JAKMIP1: variants seen among roughly 807,000 people sequenced by gnomAD.
JAKMIP1 encodes the protein janus kinase and microtubule interacting protein 1, also known as janus kinase and microtubule-interacting protein 1.
A neutral mutation model predicts 113.0 loss-of-function variants in JAKMIP1; 33 were observed. The ratio of observed to expected loss-of-function variants is 0.29; its 90% CI spans 0.22 to 0.39. The LOEUF (loss-of-function observed/expected upper bound fraction) is 0.39. Among genes scored for constraint, JAKMIP1 ranks in the 10% least tolerant of loss-of-function variants. The probability of loss-of-function intolerance (pLI) is 1.00; values close to 1 mark genes in which losing one functional copy is unlikely to be tolerated. For synonymous variants in JAKMIP1, 480 were observed against 459.9 expected (o/e 1.04, Z -0.56); for missense variants, 813 against 1,080.5 (o/e 0.75, Z 3.47).
rs567321994 is a variant in JAKMIP1, at chr4:6,056,581, G to C, written c.1707+116C>G. The stretch of plus-strand genomic sequence containing the variant: ...CTCATGGGAGGTGTGCAGGACCCGA[G>C]GCCCTGGTCACTGGAGTGCCCAAAT... On this transcript the variant is annotated intron_variant, in intron 12 of 20. Transcript: ENST00000409021. 4.0e-6 allele frequency: 3 copies of C among 755,210 alleles called. 1 individual carries two copies. The South Asian group carries it at 4.3e-5, about 11-fold the overall frequency. 46.8% of individuals were successfully genotyped at this position (755,210 alleles called of 1,614,324 possible).
intron 1 of JAKMIP1, among the ~76,000 whole-genome samples, chr4:6,119,741 C>T (rs1420942823): frequency 6.6e-6 from 1 of 152,202 alleles, no homozygotes; most frequent in Non-Finnish European, 1.5e-5. Flanking sequence ...TCACATCCCT[C>T]TACAGTCACA....
At chr4:6,130,920 C>T (rs557085723) in intron 1 of JAKMIP1, among the ~76,000 whole-genome samples, 4 of 151,882 alleles carry the variant, frequency 2.6e-5, no homozygotes, top group African/African-American at 9.7e-5. Context: ...AAACCTATAA[C>T]CCCAGCACTT....
At chr4:6,170,280 C>T (rs1724293999) in intron 1 of JAKMIP1, among the ~76,000 whole-genome samples, 3 of 147,858 alleles carry the variant, frequency 2.0e-5, no homozygotes, top group Admixed American at 6.7e-5. Flanking sequence ...ACCACCATCA[C>T]CACCACCATC....
chr4:6,101,005 C>T (rs1293436777), intron 3 of JAKMIP1, among the ~76,000 whole-genome samples: 1 of 152,074 alleles, frequency 6.6e-6, no homozygotes, highest in Admixed American at 6.5e-5. Context: ...TTTGCCTTGT[C>T]TCTCTTTTAT....
chr4:6,125,370 C>T (rs1390621724), intron 1 of JAKMIP1, among the ~76,000 whole-genome samples: 29 of 152,146 alleles, frequency 1.9e-4, no homozygotes, highest in Non-Finnish European at 8.8e-5. Flanking sequence ...CACAGTCCCA[C>T]CAAGCTGGGA....
intron 20 of JAKMIP1, among the ~76,000 whole-genome samples, chr4:6,026,626 G>A (rs1578017484): frequency 6.6e-6 from 1 of 151,894 alleles, no homozygotes; most frequent in Non-Finnish European, 1.5e-5. Flanking sequence ...ATAGAGGAAG[G>A]CCCAGCCGAT....
rs1717796722 is a variant in JAKMIP1 at position 6,064,676 on chromosome 4, C to T, written c.1431+204G>A. On this transcript the variant is annotated intron_variant, in intron 9 of 20. Coordinates refer to ENST00000409021, the MANE Select transcript of JAKMIP1 (RefSeq NM_001099433.2). The surrounding 1 kb of genome is among the most constrained non-coding windows in gnomAD (Gnocchi z 4.3). ...GAAAGAAAGGGTCCCCACGTGCTGC[C>T]CTCCCATCGCCATTCATGGAGCCCA... is the stretch of plus-strand genomic sequence containing the variant. Among the ~76,000 whole-genome samples, 1 of 152,068 alleles carries T rather than the reference C, an allele frequency of 6.6e-6. No homozygotes were observed. Among genetic ancestry groups the T allele is most frequent in the Non-Finnish European group, 1.5e-5 (1 of 68,018 alleles).
At chr4:6,112,674 A>T (rs768955525) in intron 2 of JAKMIP1, 48 bp downstream of exon 2, 2 of 1,598,586 alleles carry the variant, frequency 1.3e-6, no homozygotes, top group South Asian at 2.2e-5. Flanking sequence ...ACACTGCCCA[A>T]AGGGACATTT....
In JAKMIP1 at chr4:6,094,483, C is replaced by A. The variant is rs1211091665; in HGVS notation, c.625-8854G>T. Among the ~76,000 whole-genome samples the A allele has an allele frequency of 6.6e-6, 1 of 152,120 alleles. No homozygotes were observed. The highest frequency in any genetic ancestry group is 1.5e-5 in the Non-Finnish European group (1 of 68,022). On this transcript the variant is annotated intron_variant, in intron 3 of 20. Coordinates refer to ENST00000409021, the MANE Select transcript of JAKMIP1 (RefSeq NM_001099433.2). This position sits in a 1 kb window ranked among gnomAD's most constrained non-coding sequence, Gnocchi z 4.2. ...CAGACAGGCATGGGAGTAAACAAAC[C>A]TACCAACCTCCGGGGCCCCTGGGGT...
At chr4:6,063,278 C>A (rs1717574628) in intron 9 of JAKMIP1, among the ~76,000 whole-genome samples, 1 of 152,248 alleles carries the variant, frequency 6.6e-6, no homozygotes, top group Non-Finnish European at 1.5e-5. Flanking sequence ...GAAAGCCCCA[C>A]ATGGCCATGA....
chr4:6,059,504 T>C lies in JAKMIP1; in HGVS notation c.1644+920A>G, dbSNP rs1181275751. Among the ~76,000 whole-genome samples, 1 of 152,108 alleles carries C rather than the reference T, an allele frequency of 6.6e-6. No individual in the cohort carries two copies. Among genetic ancestry groups the C allele is most frequent in the African/African-American group, 2.4e-5 (1 of 41,450 alleles). On this transcript the variant is annotated intron_variant, in intron 11 of 20. Coordinates refer to ENST00000409021, the MANE Select transcript of JAKMIP1 (RefSeq NM_001099433.2). This position sits in a 1 kb window ranked among gnomAD's most constrained non-coding sequence, Gnocchi z 4.8. The stretch of plus-strand genomic sequence containing the variant: ...CCTGGCCTCCTCAGCCCCCCATAGA[T>C]GCCTCTCTGCAGGCAGGGGTGGGGG...
chr4:6,115,633 TC>T (rs1225615229), intron 1 of JAKMIP1, among the ~76,000 whole-genome samples: 4 of 152,212 alleles, frequency 2.6e-5, no homozygotes, highest in African/African-American at 7.2e-5. Flanking sequence ...TCTATTCTCT[TC>T]TTTAGACTCT....
chr4:6,059,555 C>T lies in JAKMIP1; in HGVS notation c.1644+869G>A, dbSNP rs1716972778. 6.6e-6 allele frequency among the ~76,000 whole-genome samples: 1 copy of T among 152,078 alleles called. No homozygotes were observed. On this transcript the variant is annotated intron_variant, in intron 11 of 20. Transcript: ENST00000409021. This position sits in a 1 kb window ranked among gnomAD's most constrained non-coding sequence, Gnocchi z 4.8. ...CCACCAGACACTCCGTCTGCCCACA[C>T]CCTCCTTGGCACCCTCACTGTTAGT...
rs145134759 is a variant in JAKMIP1, at chr4:6,117,233, G to A, written c.-147-4236C>T. Reference sequence around the variant, plus strand: ...TCGGGGGACCTGCCCCGATAATCACGTAGGTTCTTTTCTATTTTTCTAAGC... The same window carrying A: ...TCGGGGGACCTGCCCCGATAATCACATAGGTTCTTTTCTATTTTTCTAAGC... On this transcript the variant is annotated intron_variant, in intron 1 of 20. Coordinates refer to ENST00000409021, the MANE Select transcript of JAKMIP1 (RefSeq NM_001099433.2). Among the ~76,000 whole-genome samples the A allele has an allele frequency of 5.2e-3, 791 of 152,280 alleles. 14 individuals carry two copies. The highest frequency in any genetic ancestry group is 0.015 in the East Asian group (78 of 5,180).
intron 1 of JAKMIP1, among the ~76,000 whole-genome samples, chr4:6,160,114 G>A (rs1722732070): frequency 6.6e-6 from 1 of 152,124 alleles, no homozygotes; most frequent in Non-Finnish European, 1.5e-5. Flanking sequence ...ACGAGGACAG[G>A]GAAAGTAAAA....
chr4:6,154,875 G>A lies in JAKMIP1; in HGVS notation c.-147-41878C>T, dbSNP rs970267916. ...TTCCTCGAAGGCCTATTCATCCATCGCCTCCCACAGGAAGCCCCCTGAGAC... is the reference window on the plus strand; with the variant it reads ...TTCCTCGAAGGCCTATTCATCCATCACCTCCCACAGGAAGCCCCCTGAGAC... On this transcript the variant is annotated intron_variant, in intron 1 of 20. Coordinates refer to ENST00000409021, the MANE Select transcript of JAKMIP1 (RefSeq NM_001099433.2). This position sits in a 1 kb window ranked among gnomAD's most constrained non-coding sequence, Gnocchi z 4.2. 2.0e-5 allele frequency among the ~76,000 whole-genome samples: 3 copies of A among 151,890 alleles called. No homozygotes were observed. Among genetic ancestry groups the A allele is most frequent in the Admixed American group, 2.0e-4 (3 of 15,256 alleles).
chr4:6,063,950 A>G (rs768891557), intron 9 of JAKMIP1, among the ~76,000 whole-genome samples: 4 of 152,230 alleles, frequency 2.6e-5, no homozygotes, highest in Non-Finnish European at 4.4e-5. Flanking sequence ...CTCGCGAGGT[A>G]GCGCGATCCA....
chr4:6,096,234 G>A (rs762401436), intron 3 of JAKMIP1, among the ~76,000 whole-genome samples: 7 of 152,224 alleles, frequency 4.6e-5, no homozygotes, highest in Non-Finnish European at 7.3e-5. Flanking sequence ...GATTGGGTAT[G>A]ATAGCATCCT....
rs1460560538 is a variant in JAKMIP1, at chr4:6,136,698, C to T, written c.-147-23701G>A. ...AGCCACACTAAAGAATCTGGAATTCCAAGAAATGGCCTGCCCAGGAAAAAT... is the reference window on the plus strand; with the variant it reads ...AGCCACACTAAAGAATCTGGAATTCTAAGAAATGGCCTGCCCAGGAAAAAT... On this transcript the variant is annotated intron_variant, in intron 1 of 20. Coordinates refer to ENST00000409021, the MANE Select transcript of JAKMIP1 (RefSeq NM_001099433.2). This position sits in a 1 kb window ranked among gnomAD's most constrained non-coding sequence, Gnocchi z 5.9. 6.6e-6 allele frequency among the ~76,000 whole-genome samples: 1 copy of T among 152,128 alleles called. No homozygotes were observed. The highest frequency in any genetic ancestry group is 1.9e-4 in the East Asian group (1 of 5,190).
Sources: allele counts gnomAD v4.1 joint callset (sites outside exome capture counted in the v4.1 genomes callset), GRCh38; gene constraint gnomAD v4.1.1; non-coding constraint Gnocchi (gnomAD v3.1); transcripts MANE v1.5; gene names NCBI Gene and HGNC (gene_info 2026-07-23, HGNC 2026-07-21).